The following CLDN10 variants were observed in gnomAD, a reference collection of about 807,000 sequenced individuals.
The protein encoded by CLDN10 is claudin-10.
Under a neutral mutation model 22.9 loss-of-function variants are expected in CLDN10, and 15 were observed. That is an observed-to-expected ratio of 0.65 (90% CI 0.44 to 1.01). CLDN10 has a LOEUF of 1.01. Among genes scored for constraint, CLDN10 ranks in the 50% least tolerant of loss-of-function variants. The pLI is 0.00. For synonymous variants in CLDN10, 114 were observed against 111.4 expected (o/e 1.02, Z -0.15); for missense variants, 247 against 287.8 (o/e 0.86, Z 1.03).
At chr13:95,555,936 A>G (rs575952972) in intron 1 of CLDN10, among the ~76,000 whole-genome samples, 3 of 152,134 alleles carry the variant, frequency 2.0e-5, no homozygotes, top group Non-Finnish European at 4.4e-5. Flanking sequence ...TATGAGCTCT[A>G]GATTGGGAAG....
rs1319657855 is a variant in CLDN10, at chr13:95,513,448, A to G, written c.215-46684A>G. Among the ~76,000 whole-genome samples, 3 of 152,190 alleles carry G rather than the reference A, an allele frequency of 2.0e-5. No homozygotes were observed. In the East Asian group the frequency reaches 5.8e-4, roughly 29 times the overall value. ...CTCACTAGAGGGGTTTAAACTATAA[A>G]TTCCTTCCATGTCATATTGTATGAC... is the stretch of plus-strand genomic sequence containing the variant. On this transcript the variant is annotated intron_variant, in intron 1 of 4. Coordinates refer to the CLDN10 transcript ENST00000376873.
chr13:95,571,890 T>C (rs2138680244), intron 3 of CLDN10, among the ~76,000 whole-genome samples: 1 of 152,334 alleles, frequency 6.6e-6, no homozygotes, highest in East Asian at 1.9e-4. Flanking sequence ...TTTTGGCTGT[T>C]ACTACTCTTG....
At chr13:95,519,608 C>T (rs2043204728) in intron 1 of CLDN10, among the ~76,000 whole-genome samples, 1 of 152,312 alleles carries the variant, frequency 6.6e-6, no homozygotes, top group Non-Finnish European at 1.5e-5. Flanking sequence ...CAATGCCATA[C>T]AAGTAGTCAG....
intron 1 of CLDN10, among the ~76,000 whole-genome samples, chr13:95,454,376 G>T (rs1460566140): frequency 6.6e-6 from 1 of 152,144 alleles, no homozygotes; most frequent in Non-Finnish European, 1.5e-5. Context: ...GGGAGGTGGA[G>T]GTTGCAGTGA....
chr13:95,465,125 A>T (rs2042571703), intron 1 of CLDN10, among the ~76,000 whole-genome samples: 1 of 152,166 alleles, frequency 6.6e-6, no homozygotes, highest in Non-Finnish European at 1.5e-5. Context: ...GCAGAAGGCA[A>T]AAGACACTTT....
intron 1 of CLDN10, among the ~76,000 whole-genome samples, chr13:95,469,272 GGAGAGATTATGATCT>G (rs778408034): frequency 4.6e-5 from 7 of 152,260 alleles, no homozygotes; most frequent in Non-Finnish European, 1.0e-4. Context: ...GATGTGCCAT[GGAGAGATTATGATCT>G]GAGTGATGTA....
At chr13:95,478,845 A>G (rs936774181) in intron 1 of CLDN10, among the ~76,000 whole-genome samples, 1 of 152,248 alleles carries the variant, frequency 6.6e-6, no homozygotes, top group African/African-American at 2.4e-5. Flanking sequence ...CATCTTCGCC[A>G]TGTGACTTCA....
chr13:95,494,800 G>T (rs144483827), intron 1 of CLDN10, among the ~76,000 whole-genome samples: 2,301 of 152,094 alleles, frequency 0.015, 55 homozygotes, highest in African/African-American at 0.052. Context: ...ACCTAGTCTG[G>T]CCCCATCATC....
At chr13:95,439,722 A>G (rs2042306823) in intron 1 of CLDN10, among the ~76,000 whole-genome samples, 1 of 152,090 alleles carries the variant, frequency 6.6e-6, no homozygotes, top group Non-Finnish European at 1.5e-5. Flanking sequence ...TCCACCTACT[A>G]ATACCATTAT....
upstream of CLDN10, among the ~76,000 whole-genome samples, chr13:95,552,269 G>T (rs2043574282): frequency 6.6e-6 from 1 of 152,152 alleles, no homozygotes; most frequent in Non-Finnish European, 1.5e-5. Context: ...CAAACCGAGG[G>T]CTGAGTTACC....
rs1555289814 is a variant in CLDN10 at position 95,471,440 on chromosome 13, C to CAT, written c.214+37406_214+37407dup. Among the ~76,000 whole-genome samples the CAT allele has an allele frequency of 8.0e-3, 840 of 104,356 alleles. 18 individuals carry two copies. The highest frequency in any genetic ancestry group is 0.028 in the South Asian group (90 of 3,234). The allele number at this position is 104,356 out of a possible 152,430, so 68.5% of individuals were successfully genotyped here. A position where few individuals can be genotyped will look rare whatever the true frequency, so the allele number is the denominator to read the frequency against. Reference sequence around the variant, plus strand: ...ATATACACACACACACACACACACACATATATATATATATTTTTTTTTTTT... The same window carrying CAT: ...ATATACACACACACACACACACACACATATATATATATATATTTTTTTTTTTT... On this transcript the variant is annotated intron_variant, in intron 1 of 4. Transcript: ENST00000376873.
intron 3 of CLDN10, among the ~76,000 whole-genome samples, chr13:95,570,871 T>TATATATATA (rs2138678113): frequency 6.8e-6 from 1 of 146,482 alleles, no homozygotes; most frequent in Non-Finnish European, 1.5e-5. Context: ...TATATATATA[T>TATATATATA]ATATATATAT....
intron 1 of CLDN10, among the ~76,000 whole-genome samples, chr13:95,531,937 T>C (rs1284061611): frequency 6.6e-6 from 1 of 152,248 alleles, no homozygotes; most frequent in East Asian, 1.9e-4. Context: ...TTTAAACAAA[T>C]GGTGCTAAAG....
chr13:95,507,232 G>A (rs1213440589), intron 1 of CLDN10, among the ~76,000 whole-genome samples: 2 of 152,008 alleles, frequency 1.3e-5, no homozygotes, highest in African/African-American at 4.8e-5. Context: ...TTTTGAGTTG[G>A]GGGAAGAGTA....
chr13:95,559,258 C>A (rs972681146), intron 1 of CLDN10, among the ~76,000 whole-genome samples: 1 of 152,104 alleles, frequency 6.6e-6, no homozygotes, highest in African/African-American at 2.4e-5. Flanking sequence ...TTAGTTTAAA[C>A]CCTGTTAATG....
At chr13:95,523,545 G>T (rs939813082) in intron 1 of CLDN10, among the ~76,000 whole-genome samples, 2 of 152,046 alleles carry the variant, frequency 1.3e-5, no homozygotes, top group African/African-American at 4.8e-5. Context: ...TTCCTTTGAT[G>T]TAGATCTACT....
chr13:95,506,841 C>A (rs2043043744), intron 1 of CLDN10, among the ~76,000 whole-genome samples: 1 of 152,106 alleles, frequency 6.6e-6, no homozygotes, highest in Non-Finnish European at 1.5e-5. Context: ...AGTGACCTAC[C>A]TTCTTTTGCC....
At chr13:95,442,873 G>A (rs554780492) in intron 1 of CLDN10, among the ~76,000 whole-genome samples, 6 of 152,288 alleles carry the variant, frequency 3.9e-5, no homozygotes, top group African/African-American at 1.4e-4. Flanking sequence ...TGTTGTCAGG[G>A]TTAAATGAAA....
chr13:95,563,289 TTAA>T (rs1450411675), intron 3 of CLDN10, among the ~76,000 whole-genome samples: 1 of 152,138 alleles, frequency 6.6e-6, no homozygotes, highest in Non-Finnish European at 1.5e-5. Context: ...TTGTGTTATA[TTAA>T]TTATTATTAA....
Sources: allele counts gnomAD v4.1 joint callset (sites outside exome capture counted in the v4.1 genomes callset), GRCh38; gene constraint gnomAD v4.1.1; transcripts MANE v1.5; gene names NCBI Gene and HGNC (gene_info 2026-07-23, HGNC 2026-07-21).